The following TNRC18 variants were observed in gnomAD, a reference collection of about 807,000 sequenced individuals.
TNRC18 encodes trinucleotide repeat containing 18.
In TNRC18, 69 loss-of-function variants were observed where a neutral mutation model predicts 226.7. The ratio of observed to expected loss-of-function variants is 0.30; its 90% CI spans 0.25 to 0.37. The LOEUF (loss-of-function observed/expected upper bound fraction) is 0.37, where lower values mean the gene tolerates loss of function less well. TNRC18 is among the 10% of genes least tolerant of loss of function. The probability of loss-of-function intolerance (pLI) is 1.00; values close to 1 mark genes in which losing one functional copy is unlikely to be tolerated. For synonymous variants in TNRC18, 2,449 were observed against 1,927.6 expected, an observed-to-expected ratio of 1.27 and a Z score of -7.09; for missense variants, 4,754 against 4,256.6, an observed-to-expected ratio of 1.12 and a Z score of -3.25.
At chr7:5,354,507 C>T (rs766038416) in intron 16 of TNRC18, among the ~76,000 whole-genome samples, 21 of 151,866 alleles carry the variant, frequency 1.4e-4, no homozygotes, top group Non-Finnish European at 2.4e-4. Context: ...AAAAGAAAGC[C>T]CCTCCCTTCC....
chr7:5,418,013 G>C (rs1447528340), intron 2 of TNRC18, among the ~76,000 whole-genome samples: 1 of 152,164 alleles, frequency 6.6e-6, no homozygotes, highest in African/African-American at 2.4e-5. Flanking sequence ...CCAAGCCAGA[G>C]TGCAGGGTCT....
At chr7:5,376,321 A>G (rs1322607015) in intron 8 of TNRC18, 97 bp from the exon 9 acceptor site, 1 of 1,111,908 alleles carries the variant, frequency 9.0e-7, no homozygotes, top group Non-Finnish European at 1.2e-6. Context: ...GGCCACACCC[A>G]CACAGTGGGG....
intron 19 of TNRC18, among the ~76,000 whole-genome samples, chr7:5,326,627 C>T (rs1788936010): frequency 1.3e-5 from 2 of 152,048 alleles, no homozygotes; most frequent in Admixed American, 6.6e-5. Flanking sequence ...TCTACACTTT[C>T]TAAAAGGGAC....
chr7:5,417,442 C>T (rs1334706213), intron 2 of TNRC18, among the ~76,000 whole-genome samples: 1 of 152,182 alleles, frequency 6.6e-6, no homozygotes, highest in African/African-American at 2.4e-5. Flanking sequence ...TGCATTCCAG[C>T]CTGGGTGACA....
In TNRC18 at chr7:5,394,708, G is replaced by C; in HGVS notation, c.188-113C>G. The C allele has an allele frequency of 1.3e-6, 1 of 790,570 alleles. No individual in the cohort carries two copies. The highest frequency in any genetic ancestry group is 1.6e-5 in the South Asian group (1 of 61,644). The allele number at this position is 790,570 out of a possible 1,614,324, so 49.0% of individuals were successfully genotyped here. A position where few individuals can be genotyped will look rare whatever the true frequency, so the allele number is the denominator to read the frequency against. ...ACCGCCGCCTCTCCCCAGCTGTGTG[G>C]AGCTGATGCTGGCCAGGAGACCAAA... On this transcript the variant is annotated intron_variant, in intron 2 of 29. Transcript: ENST00000430969. This position sits in a 1 kb window ranked among gnomAD's most constrained non-coding sequence, Gnocchi z 4.5.
Position 5,309,429 on chromosome 7 carries a change from G to A in TNRC18, c.8389-61C>T. 2 of 1,476,350 alleles carry A rather than the reference G, an allele frequency of 1.4e-6. No individual in the cohort carries two copies. The highest frequency in any genetic ancestry group is 2.4e-5 in the East Asian group (1 of 40,906). 91.5% of individuals were successfully genotyped at this position (1,476,350 alleles called of 1,614,324 possible). Reference sequence around the variant, plus strand: ...CCCAGCCCCAAGGAGCCCGCCGCCTGGCAGGCTCTGCCGCTTGGGACTCTG... The same window carrying A: ...CCCAGCCCCAAGGAGCCCGCCGCCTAGCAGGCTCTGCCGCTTGGGACTCTG... On this transcript the variant is annotated intron_variant, in intron 27 of 29. Coordinates refer to ENST00000430969, the MANE Select transcript of TNRC18 (RefSeq NM_001080495.3). This position sits in a 1 kb window ranked among gnomAD's most constrained non-coding sequence, Gnocchi z 5.7.
At position 5,370,364 on chromosome 7, in the gene TNRC18, C is replaced by T. The variant is rs372399028; in HGVS notation, c.4219+11G>A. 8.6e-5 allele frequency: 132 copies of T among 1,537,012 alleles called. No individual in the cohort carries two copies. The highest frequency in any genetic ancestry group is 9.6e-5 in the Non-Finnish European group (110 of 1,141,426). ...ACGAATCTGCAGAACTCAGAGGTCG[C>T]GCACTCTCACCTCCCATCTCTTGGC... On this transcript the variant is annotated intron_variant, in intron 11 of 29. Transcript: ENST00000430969.
chr7:5,406,803 A>G (rs1405044336), intron 2 of TNRC18, among the ~76,000 whole-genome samples: 1 of 150,776 alleles, frequency 6.6e-6, no homozygotes, highest in Non-Finnish European at 1.5e-5. Flanking sequence ...GTGAGCCGAG[A>G]TTGTACCACG....
Position 5,370,532 on chromosome 7 carries a change from G to C in TNRC18, c.4062C>G (p.Ala1354=). 1 of 1,604,160 alleles carries C rather than the reference G, an allele frequency of 6.2e-7. No homozygotes were observed. Among genetic ancestry groups the C allele is most frequent in the Non-Finnish European group, 8.5e-7 (1 of 1,175,768 alleles). ...CAGCACCCGGGGAGGGCAGAGGCCT[G>C]GCCTGGGGCAGCTCCGCAGCTGCCG... ...ALAAAAELPQ[A]RPLPSPGAAG... is the part of the protein sequence containing the mutation. The change falls in exon 11 of 30, where the codon GCC becomes GCG. Residue 1354 remains alanine (A), a synonymous_variant. Coordinates refer to ENST00000430969, the MANE Select transcript of TNRC18 (RefSeq NM_001080495.3).
In TNRC18 at chr7:5,332,667, C is replaced by T. The variant is rs1583804830; in HGVS notation, c.6102G>A (p.Pro2034=). ...CCTTTGCACGCCCGGCGTCCTTGCG[C>T]GGGCTCAGGGGGCCGCCCTTGGCGC... ...SRCAKGGPLS[P]RKDAGRAKDR... The change falls in exon 19 of 30, where the codon CCG becomes CCA. Residue 2034 remains proline, a synonymous_variant. Transcript: ENST00000430969. 2.0e-6 allele frequency: 3 copies of T among 1,530,364 alleles called. No individual in the cohort carries two copies. The highest frequency in any genetic ancestry group is 1.4e-5 in the African/African-American group (1 of 70,538). 94.8% of individuals were successfully genotyped at this position (1,530,364 alleles called of 1,614,324 possible).
chr7:5,324,086 T>C lies in TNRC18; in HGVS notation c.6442+128A>G. 9.5e-7 allele frequency: 1 copy of C among 1,055,492 alleles called. No homozygotes were observed. Among genetic ancestry groups the C allele is most frequent in the Non-Finnish European group, 1.3e-6 (1 of 746,842 alleles). 65.4% of individuals were successfully genotyped at this position (1,055,492 alleles called of 1,614,324 possible). A position where few individuals can be genotyped will look rare whatever the true frequency, so the allele number is the denominator to read the frequency against. Reference sequence around the variant, plus strand: ...CGACCCGGATAACTCAGCCTCAGGATCTCTGCTCCTGTGGTTCCCTGCCCC... The same window carrying C: ...CGACCCGGATAACTCAGCCTCAGGACCTCTGCTCCTGTGGTTCCCTGCCCC... On this transcript the variant is annotated intron_variant, in intron 21 of 29. Coordinates refer to ENST00000430969, the MANE Select transcript of TNRC18 (RefSeq NM_001080495.3). This position sits in a 1 kb window ranked among gnomAD's most constrained non-coding sequence, Gnocchi z 4.8.
At chr7:5,325,271 G>A (rs752801141) in intron 19 of TNRC18, 23 bp from the exon 20 acceptor site, 42 of 1,544,778 alleles carry the variant, frequency 2.7e-5, no homozygotes, top group Non-Finnish European at 3.4e-5. Context: ...GCAGCAGAGA[G>A]GAGCCATCAA....
rs752696020 is a variant in TNRC18, at chr7:5,377,872, A to C, written c.2255+50T>G. On this transcript the variant is annotated intron_variant, in intron 6 of 29. Transcript: ENST00000430969. The surrounding 1 kb of genome is among the most constrained non-coding windows in gnomAD (Gnocchi z 5.8). ...GGTCATCCAGCTGCCCCTCACCCCCAGGGGCTCCTAGATACCCCCTAGACC... is the reference window on the plus strand; with the variant it reads ...GGTCATCCAGCTGCCCCTCACCCCCCGGGGCTCCTAGATACCCCCTAGACC... 5 of 1,575,698 alleles carry C rather than the reference A, an allele frequency of 3.2e-6. No homozygotes were observed. Among genetic ancestry groups the C allele is most frequent in the Non-Finnish European group, 4.4e-6 (5 of 1,147,974 alleles).
intron 27 of TNRC18, among the ~76,000 whole-genome samples, chr7:5,311,853 C>G (rs573747095): frequency 1.6e-4 from 24 of 151,794 alleles, no homozygotes; most frequent in African/African-American, 4.3e-4. Flanking sequence ...AAAGAAAAAG[C>G]CAGGCGTGGT....
chr7:5,349,913 T>TGG (rs980398721), intron 17 of TNRC18, among the ~76,000 whole-genome samples: 1 of 151,984 alleles, frequency 6.6e-6, no homozygotes, highest in Non-Finnish European at 1.5e-5. Flanking sequence ...CTGAGGAGCC[T>TGG]GGGCCTCCCC....
chr7:5,360,278 G>A (rs1792901526), intron 14 of TNRC18, among the ~76,000 whole-genome samples: 1 of 151,920 alleles, frequency 6.6e-6, no homozygotes, highest in African/African-American at 2.4e-5. Flanking sequence ...TTGCCAGGAT[G>A]CAGTGCAATG....
At chr7:5,311,544 G>A (rs1787210024) in intron 27 of TNRC18, among the ~76,000 whole-genome samples, 1 of 152,188 alleles carries the variant, frequency 6.6e-6, no homozygotes, top group African/African-American at 2.4e-5. Context: ...CAGGCTGTCA[G>A]GCCCCGCACC....
At chr7:5,330,708 C>CT (rs1278199716) in intron 19 of TNRC18, among the ~76,000 whole-genome samples, 2 of 152,132 alleles carry the variant, frequency 1.3e-5, no homozygotes, top group African/African-American at 2.4e-5. Context: ...GAGTCTCACT[C>CT]TGTCGCCCAG....
At chr7:5,387,068 C>T (rs1404433815) in intron 5 of TNRC18, among the ~76,000 whole-genome samples, 2 of 152,162 alleles carry the variant, frequency 1.3e-5, no homozygotes, top group Non-Finnish European at 2.9e-5. Flanking sequence ...GAGTGAAACT[C>T]CGTTTCAAAA....
Sources: allele counts gnomAD v4.1 joint callset (sites outside exome capture counted in the v4.1 genomes callset), GRCh38; gene constraint gnomAD v4.1.1; non-coding constraint Gnocchi (gnomAD v3.1); transcripts MANE v1.5; gene names NCBI Gene and HGNC (gene_info 2026-07-23, HGNC 2026-07-21).